Variants in MCC observed in about 807,000 individuals in gnomAD.
MCC encodes the protein colorectal mutant cancer protein.
MCC carries 90 observed loss-of-function variants against 116.2 expected under a neutral mutation model. That is an observed-to-expected ratio of 0.77 (90% confidence interval 0.65 to 0.92). The LOEUF is 0.92. Ranked by LOEUF, MCC falls within the 40% of genes least tolerant of loss-of-function variation. The pLI is 0.00. For missense variants in MCC, 1,516 were observed against 1,312.2 expected, an observed-to-expected ratio of 1.16 and a Z score of -2.40; for synonymous variants, 578 against 510.5, an observed-to-expected ratio of 1.13 and a Z score of -1.78.
chr5:113,138,184 C>A (rs1468301933), intron 5 of MCC, among the ~76,000 whole-genome samples: 1 of 152,024 alleles, frequency 6.6e-6, no homozygotes, highest in Non-Finnish European at 1.5e-5. Context: ...GCCCAGCTAA[C>A]TTTTGTATTT....
At chr5:113,128,712 T>C (rs190690243) in intron 5 of MCC, among the ~76,000 whole-genome samples, 2 of 152,316 alleles carry the variant, frequency 1.3e-5, no homozygotes, top group East Asian at 3.9e-4. Flanking sequence ...AAAAAAGAGA[T>C]TGATACAGAC....
intron 3 of MCC, among the ~76,000 whole-genome samples, chr5:113,257,271 T>C (rs888842836): frequency 3.3e-5 from 5 of 152,144 alleles, no homozygotes; most frequent in African/African-American, 1.2e-4. Context: ...GTGACAGATT[T>C]GGGCATCATT....
rs1370422831 is a variant in MCC, at chr5:113,488,232, C to T, written c.170+13G>A. On this transcript the variant is annotated intron_variant, in intron 1 of 18. Transcript: ENST00000408903. ...TCTCGCTCCTGTCGGTTTCCTCGTA[C>T]CTCCCCGCGTACCTGCTGATGTATC... The T allele has an allele frequency of 1.4e-5, 22 of 1,584,710 alleles. No individual in the cohort carries two copies. The highest frequency in any genetic ancestry group is 1.6e-5 in the Non-Finnish European group (19 of 1,166,872).
chr5:113,467,764 T>C (rs1771957602), intron 1 of MCC, among the ~76,000 whole-genome samples: 1 of 152,220 alleles, frequency 6.6e-6, no homozygotes, highest in South Asian at 2.1e-4. Flanking sequence ...AATCTATAAA[T>C]TACCTTGGGC....
intron 2 of MCC, among the ~76,000 whole-genome samples, chr5:113,384,448 CGTGGTAGCAG>C (rs949112333): frequency 6.6e-6 from 1 of 152,012 alleles, no homozygotes; most frequent in Non-Finnish European, 1.5e-5. Flanking sequence ...ATTAGCTGGG[CGTGGTAGCAG>C]GTGCCTGTAG....
At chr5:113,116,669 T>C (rs1311805473) in intron 6 of MCC, among the ~76,000 whole-genome samples, 1 of 152,160 alleles carries the variant, frequency 6.6e-6, no homozygotes, top group African/African-American at 2.4e-5. Context: ...GGGAAAATAT[T>C]CCAAAGTAAC....
intron 3 of MCC, among the ~76,000 whole-genome samples, chr5:113,224,703 G>A (rs1763669696): frequency 6.6e-6 from 1 of 152,112 alleles, no homozygotes; most frequent in South Asian, 2.1e-4. Flanking sequence ...TCAACTGAAA[G>A]GTCAGGAAAA....
chr5:113,427,215 G>T (rs560462528), intron 1 of MCC, among the ~76,000 whole-genome samples: 21 of 152,200 alleles, frequency 1.4e-4, no homozygotes, highest in African/African-American at 5.1e-4. Flanking sequence ...AAAGCCCTTA[G>T]CCCATTTAAA....
At chr5:113,077,290 T>C (rs1754524380) in intron 11 of MCC, among the ~76,000 whole-genome samples, 1 of 152,148 alleles carries the variant, frequency 6.6e-6, no homozygotes, top group Non-Finnish European at 1.5e-5. Flanking sequence ...TGAACTCAGC[T>C]GTCCACCAAG....
chr5:113,088,184 G>C (rs1755337218), intron 8 of MCC, among the ~76,000 whole-genome samples: 1 of 152,134 alleles, frequency 6.6e-6, no homozygotes, highest in Non-Finnish European at 1.5e-5. Flanking sequence ...CCCAGCTGAA[G>C]GGAGTGCAGT....
chr5:113,379,639 A>T (rs1769066184), intron 2 of MCC, among the ~76,000 whole-genome samples: 1 of 152,200 alleles, frequency 6.6e-6, no homozygotes, highest in Non-Finnish European at 1.5e-5. Context: ...AAACATTTGT[A>T]TTATTGCTAC....
chr5:113,267,475 G>A (rs540190920), intron 3 of MCC, among the ~76,000 whole-genome samples: 13 of 152,196 alleles, frequency 8.5e-5, no homozygotes, highest in Admixed American at 6.5e-4. Context: ...AAGTAAAGAG[G>A]GCAGCACTAT....
chr5:113,161,174 CAAAAT>C (rs963371679), intron 3 of MCC, among the ~76,000 whole-genome samples: 2 of 152,110 alleles, frequency 1.3e-5, no homozygotes, highest in African/African-American at 2.4e-5. Flanking sequence ...GAAACACAGA[CAAAAT>C]AAAGACACTG....
chr5:113,067,898 C>A (rs1274074947), intron 13 of MCC, among the ~76,000 whole-genome samples, 182 bp downstream of exon 13: 1 of 152,256 alleles, frequency 6.6e-6, no homozygotes, highest in Non-Finnish European at 1.5e-5. Flanking sequence ...GTTTCCACTC[C>A]AGTTCTTGCT....
chr5:113,439,234 G>A (rs1770956358), intron 1 of MCC, among the ~76,000 whole-genome samples: 1 of 152,180 alleles, frequency 6.6e-6, no homozygotes, highest in African/African-American at 2.4e-5. Context: ...CAAGTCTGGT[G>A]GTAAACAGCA....
chr5:113,126,793 T>C (rs1160998407), intron 5 of MCC, among the ~76,000 whole-genome samples: 1 of 152,192 alleles, frequency 6.6e-6, no homozygotes, highest in East Asian at 1.9e-4. Flanking sequence ...GTAGTTAAGT[T>C]TTTGGTGAGT....
At chr5:113,288,586 A>C (rs752187878) in intron 3 of MCC, among the ~76,000 whole-genome samples, 15 of 152,220 alleles carry the variant, frequency 9.9e-5, no homozygotes, top group Non-Finnish European at 1.8e-4. Flanking sequence ...CCTTTACTCT[A>C]ATCATATCAT....
At chr5:113,418,399 TTAAGATTAAATA>T (rs1312834865) in intron 1 of MCC, among the ~76,000 whole-genome samples, 1 of 152,080 alleles carries the variant, frequency 6.6e-6, no homozygotes, top group Non-Finnish European at 1.5e-5. Flanking sequence ...AATCTTATAT[TTAAGATTAAATA>T]TAAGATTAAA....
Position 113,151,436 on chromosome 5 carries a change from A to C in MCC, c.628-14T>G. 6.9e-7 allele frequency: 1 copy of C among 1,456,446 alleles called. No individual in the cohort carries two copies. The highest frequency in any genetic ancestry group is 1.2e-5 in the South Asian group (1 of 85,836). 90.2% of individuals were successfully genotyped at this position (1,456,446 alleles called of 1,614,324 possible). On this transcript the variant is annotated splice_polypyrimidine_tract_variant and intron_variant, in intron 3 of 18. Transcript: ENST00000408903. ...TGCTGAATGGAGCTGTGGTGACAGA[A>C]AGGAGGAGATTAGAGTATTGTAGCA... is the stretch of plus-strand genomic sequence containing the variant.
Sources: gnomAD v4.1 joint callset for allele counts (sites outside exome capture counted in the v4.1 genomes callset) on GRCh38, gnomAD v4.1.1 for gene constraint, MANE v1.5 for transcripts, NCBI Gene and HGNC (gene_info 2026-07-23, HGNC 2026-07-21) for gene names.